Variants in MTA3 observed in about 807,000 individuals in gnomAD.
MTA3 encodes metastasis-associated protein MTA3.
A neutral mutation model predicts 83.5 loss-of-function variants in MTA3; 34 were observed. The observed-to-expected ratio is 0.41, with a 90% CI of 0.31 to 0.54. MTA3 has a LOEUF of 0.54. MTA3 is among the 20% of genes least tolerant of loss of function. The pLI, the probability that MTA3 is intolerant of heterozygous loss-of-function variation, is 0.33. For synonymous variants in MTA3, 303 were observed against 252.7 expected, an observed-to-expected ratio of 1.20 and a Z score of -1.89; for missense variants, 761 against 726.4, an observed-to-expected ratio of 1.05 and a Z score of -0.55.
intron 2 of MTA3, among the ~76,000 whole-genome samples, chr2:42,578,124 T>C (rs1048254989): frequency 3.9e-5 from 6 of 152,224 alleles, no homozygotes; most frequent in South Asian, 2.1e-4. Flanking sequence ...GCAGCACTTA[T>C]ATTCTTCTTT....
intron 2 of MTA3, among the ~76,000 whole-genome samples, chr2:42,517,541 C>T (rs1363785820): frequency 1.3e-5 from 2 of 148,184 alleles, no homozygotes; most frequent in Non-Finnish European, 3.0e-5. Flanking sequence ...CCATTGCACT[C>T]CAGCCTTGGG....
exon 1 of MTA3, chr2:42,494,628 C>G (rs946764337): frequency 6.6e-6 from 1 of 152,320 alleles, no homozygotes; most frequent in Non-Finnish European, 1.5e-5. Context: ...GCCCCGGCCC[C>G]CACGTTCTGG....
At chr2:42,751,295 C>T (rs1002311543) in intron 16 of MTA3, among the ~76,000 whole-genome samples, 3 of 152,148 alleles carry the variant, frequency 2.0e-5, no homozygotes, top group Non-Finnish European at 2.9e-5. Flanking sequence ...AGGGCGAGTA[C>T]GTACCAAAGT....
In MTA3 at chr2:42,636,867, C is replaced by T. The variant is rs372397659; in HGVS notation, c.318-3306C>T. On this transcript the variant is annotated intron_variant, in intron 4 of 16. Coordinates refer to ENST00000405094, the MANE Select transcript of MTA3 (RefSeq NM_001330442.2). Reference sequence around the variant, plus strand: ...GTCTCGAACTCCTGACCTCGTGACCCGCCCGCATCGGCCTCCCAAAGTGCT... The same window carrying T: ...GTCTCGAACTCCTGACCTCGTGACCTGCCCGCATCGGCCTCCCAAAGTGCT... 1.8e-4 allele frequency among the ~76,000 whole-genome samples: 27 copies of T among 152,092 alleles called. No individual in the cohort carries two copies. In the East Asian group the frequency reaches 4.1e-3, roughly 23 times the overall value.
chr2:42,720,166 TA>T (rs1667299606), intron 15 of MTA3, among the ~76,000 whole-genome samples: 1 of 150,566 alleles, frequency 6.6e-6, no homozygotes, highest in South Asian at 2.1e-4. Flanking sequence ...TTTATTTATT[TA>T]TTTATTTATT....
chr2:42,747,145 A>G (rs1669502138), intron 16 of MTA3, among the ~76,000 whole-genome samples: 1 of 152,010 alleles, frequency 6.6e-6, no homozygotes, highest in Non-Finnish European at 1.5e-5. Context: ...GACCACAGTC[A>G]CATGCCACCA....
intron 3 of MTA3, among the ~76,000 whole-genome samples, chr2:42,591,710 G>GTGCGATCTCAGCTCAC (rs1462387151): frequency 6.6e-6 from 1 of 151,578 alleles, no homozygotes; most frequent in Non-Finnish European, 1.5e-5. Context: ...GAGTGCAGTG[G>GTGCGATCTCAGCTCAC]TGCGATCTCA....
intron 11 of MTA3, among the ~76,000 whole-genome samples, chr2:42,702,050 A>T (rs1226130877): frequency 6.6e-6 from 1 of 152,084 alleles, no homozygotes; most frequent in Non-Finnish European, 1.5e-5. Flanking sequence ...GTCTCTACTA[A>T]AAATGTAAAA....
At chr2:42,752,532 G>T (rs1669956895) in intron 16 of MTA3, among the ~76,000 whole-genome samples, 1 of 150,836 alleles carries the variant, frequency 6.6e-6, no homozygotes, top group Non-Finnish European at 1.5e-5. Context: ...GTCTCCAGAT[G>T]GTCAGAGTTG....
At chr2:42,682,265 C>G in intron 8 of MTA3, 136 bp from the exon 9 acceptor site, 1 of 593,712 alleles carries the variant, frequency 1.7e-6, no homozygotes, top group Non-Finnish European at 2.7e-6. Flanking sequence ...ATTTAGTAAT[C>G]TGTTTAAAAT....
intron 2 of MTA3, among the ~76,000 whole-genome samples, chr2:42,554,635 A>G (rs4953435): frequency 0.4 from 60,677 of 151,962 alleles, 12,507 homozygotes; most frequent in Middle Eastern, 0.52. Context: ...AGCCAGCCCG[A>G]ATGACAGCTG....
intron 12 of MTA3, 46 bp downstream of exon 12, chr2:42,704,364 G>A: frequency 5.6e-6 from 9 of 1,609,102 alleles, no homozygotes; most frequent in Non-Finnish European, 6.8e-6. Flanking sequence ...AACTGTTCTG[G>A]CTCATGGGGT....
chr2:42,573,394 G>A (rs1042249972), intron 2 of MTA3, among the ~76,000 whole-genome samples: 4 of 152,120 alleles, frequency 2.6e-5, no homozygotes, highest in African/African-American at 9.7e-5. Flanking sequence ...CACCCAGGCT[G>A]GAGTTCATTG....
At chr2:42,584,070 C>T (rs1202849762) in intron 3 of MTA3, among the ~76,000 whole-genome samples, 1 of 151,396 alleles carries the variant, frequency 6.6e-6, no homozygotes, top group South Asian at 2.1e-4. Context: ...CTCGAACTCC[C>T]TACCTCAGGT....
At position 42,754,717 on chromosome 2, in the gene MTA3, G is replaced by A; in HGVS notation, c.*1318G>A. 1 of 985,540 alleles carries A rather than the reference G, an allele frequency of 1.0e-6. No individual in the cohort carries two copies. The allele number at this position is 985,540 out of a possible 1,614,324, so 61.0% of individuals were successfully genotyped here. On this transcript the variant is annotated 3_prime_UTR_variant, in exon 17 of 17. Transcript: ENST00000405094. ...GTTACTAGGAGGCAGCTGGATGGCA[G>A]ATACGAGAGGCCCAAATAGCCAAGC...
At chr2:42,699,035 C>T (rs1185447297) in intron 11 of MTA3, among the ~76,000 whole-genome samples, 1 of 152,148 alleles carries the variant, frequency 6.6e-6, no homozygotes, top group Non-Finnish European at 1.5e-5. Flanking sequence ...GTGCTGCCAC[C>T]ATGAAATAAT....
At chr2:42,650,073 ACTT>A (rs1688571401) in intron 6 of MTA3, among the ~76,000 whole-genome samples, 1 of 152,188 alleles carries the variant, frequency 6.6e-6, no homozygotes, top group Admixed American at 6.5e-5. Context: ...CAGAATATGA[ACTT>A]CTTAACAATG....
rs1296515372 is a variant in MTA3, at chr2:42,609,360, G to A, written c.191-98G>A. On this transcript the variant is annotated intron_variant, in intron 3 of 16. Coordinates refer to ENST00000405094, the MANE Select transcript of MTA3 (RefSeq NM_001330442.2). ...GTTTAAATTTAAAATTGATTAGTTT[G>A]AAGAAAATATTGAATAAAATGTTGA... 8.5e-6 allele frequency: 11 copies of A among 1,294,038 alleles called. No individual in the cohort carries two copies. In the Admixed American group the frequency reaches 2.6e-4, roughly 30 times the overall value. The allele number at this position is 1,294,038 out of a possible 1,614,324, so 80.2% of individuals were successfully genotyped here.
At chr2:42,723,126 C>T in intron 16 of MTA3, 91 bp downstream of exon 16, 1 of 1,365,792 alleles carries the variant, frequency 7.3e-7, no homozygotes, top group Non-Finnish European at 1.0e-6. Flanking sequence ...ATATTATAAG[C>T]ATGTTCTTGT....
Sources: allele counts gnomAD v4.1 joint callset (sites outside exome capture counted in the v4.1 genomes callset), GRCh38; gene constraint gnomAD v4.1.1; transcripts MANE v1.5; gene names NCBI Gene and HGNC (gene_info 2026-07-23, HGNC 2026-07-21).